CHUK: variants seen among roughly 807,000 people sequenced by gnomAD.
CHUK encodes component of inhibitor of nuclear factor kappa B kinase complex.
A neutral mutation model predicts 104.8 loss-of-function variants in CHUK; 35 were observed. That is an observed-to-expected ratio of 0.33 (90% CI 0.26 to 0.44). The LOEUF is 0.44. Among genes scored for constraint, CHUK ranks in the 20% least tolerant of loss-of-function variants. CHUK has a pLI of 1.00. For synonymous variants in CHUK, 276 were observed against 291.9 expected (o/e 0.95, Z 0.56); for missense variants, 663 against 902.7 (o/e 0.73, Z 3.40).
chr10:100,228,257 A>C (rs993990217), intron 1 of CHUK, among the ~76,000 whole-genome samples: 13 of 152,254 alleles, frequency 8.5e-5, no homozygotes, highest in African/African-American at 3.1e-4. Flanking sequence ...AATGTCCTTT[A>C]GGAAGGCACG....
At chr10:100,193,201 G>C in intron 19 of CHUK, 97 bp downstream of exon 19, 1 of 1,342,738 alleles carries the variant, frequency 7.4e-7, no homozygotes, top group Non-Finnish European at 1.1e-6. Context: ...ACTCAACCCT[G>C]GTCTGAAGGC....
chr10:100,207,324 A>T lies in CHUK; in HGVS notation c.1137T>A (p.Cys379Ter). The T allele has an allele frequency of 6.9e-7, 1 of 1,454,944 alleles. No homozygotes were observed. Among genetic ancestry groups the T allele is most frequent in the Non-Finnish European group, 9.6e-7 (1 of 1,036,632 alleles). The allele number at this position is 1,454,944 out of a possible 1,614,324, so 90.1% of individuals were successfully genotyped here. A position where few individuals can be genotyped will look rare whatever the true frequency, so the allele number is the denominator to read the frequency against. The change falls in exon 11 of 21, where the codon TGT (cysteine) becomes TGA (stop). Residue 379 changes from cysteine (C) to a stop codon, truncating the protein, a stop_gained. Coordinates refer to ENST00000370397, the MANE Select transcript of CHUK (RefSeq NM_001278.5). LOFTEE classifies it high-confidence loss of function. The part of the protein sequence containing the change: ...SQCVLDGVRG[C>*]DSYMVYLFDK... The stretch of plus-strand genomic sequence containing the variant: ...CAAACAAATAAACCATATAGCTATC[A>T]CAGCCTCTCTGAAAAAGAAACAAAC...
chr10:100,201,624 G>A (rs899841934), intron 14 of CHUK, among the ~76,000 whole-genome samples: 3 of 152,194 alleles, frequency 2.0e-5, no homozygotes, highest in African/African-American at 7.2e-5. Flanking sequence ...GGAGGCTGAG[G>A]TGGGAGGATT....
chr10:100,198,176 C>T (rs183754583), intron 16 of CHUK, among the ~76,000 whole-genome samples: 52 of 152,154 alleles, frequency 3.4e-4, no homozygotes, highest in African/African-American at 1.3e-3. Context: ...CATAGTTTGC[C>T]TGACAGTTGC....
intron 16 of CHUK, among the ~76,000 whole-genome samples, chr10:100,196,651 T>A (rs940724720): frequency 3.3e-5 from 5 of 152,202 alleles, no homozygotes; most frequent in Non-Finnish European, 1.5e-5. Context: ...TCCTCCTGTC[T>A]CAGCCTCCCA....
chr10:100,187,539 C>T (rs1178607863), downstream of CHUK: 3 of 152,180 alleles, frequency 2.0e-5, no homozygotes, highest in African/African-American at 7.2e-5. Flanking sequence ...TTTCTGTAGA[C>T]ATTCTCTGAA....
chr10:100,200,106 TAATG>T, intron 15 of CHUK, 86 bp from the exon 16 acceptor site: 3 of 1,017,566 alleles, frequency 2.9e-6, no homozygotes, highest in Non-Finnish European at 4.7e-6. Flanking sequence ...TTTATTTGAA[TAATG>T]AACCCATTTT....
rs1296002837 is a variant in CHUK at position 100,209,712 on chromosome 10, T to C, written c.1011A>G (p.Leu337=). ...CAGTTTCACGCTCAATACGAGACTG[T>C]AGTGAATGAAGACTTTCATCAGGTG... is the stretch of plus-strand genomic sequence containing the variant. ...LLPPDESLHS[L]QSRIERETGI... is the part of the protein sequence containing the mutation. The change falls in exon 10 of 21, where the codon CTA becomes CTG. Residue 337 remains leucine, a synonymous_variant. Coordinates refer to ENST00000370397, the MANE Select transcript of CHUK (RefSeq NM_001278.5). 5 of 1,572,858 alleles carry C rather than the reference T, an allele frequency of 3.2e-6. No homozygotes were observed. The highest frequency in any genetic ancestry group is 2.2e-5 in the East Asian group (1 of 44,668).
At position 100,193,353 on chromosome 10, in the gene CHUK, G is replaced by A. The variant is rs753054670; in HGVS notation, c.2053C>T (p.Pro685Ser). 2 of 1,613,972 alleles carry A rather than the reference G, an allele frequency of 1.2e-6. No individual in the cohort carries two copies. Among genetic ancestry groups the A allele is most frequent in the East Asian group, 4.5e-5 (2 of 44,894 alleles). The change falls in exon 19 of 21, where the codon CCG (proline) becomes TCG (serine). Residue 685 changes from proline to serine, a missense_variant. Physicochemically the swap from Pro to Ser is moderately conservative, Grantham distance 74. Around this residue, in one of 5 missense-constraint regions of CHUK, gnomAD observed 311 missense variants for 393.4 expected, o/e 0.79. Transcript: ENST00000370397. ...GAATGATCATGTTCTGCTGAAGTCG[G>A]GGGCAGCCATGCTGATGTCTGAGGG... ...VTPQTSAWLP[P>S]TSAEHDHSLS...
chr10:100,210,084 TTTA>T (rs1388657808), intron 9 of CHUK, among the ~76,000 whole-genome samples: 3,616 of 134,320 alleles, frequency 0.027, 55 homozygotes, highest in Middle Eastern at 0.052. Flanking sequence ...TATTTATTTA[TTTA>T]TTTATTTTTT....
Position 100,189,449 on chromosome 10 carries a change from C to G in CHUK, c.*149G>C. The G allele has an allele frequency of 4.3e-6, 3 of 695,586 alleles. No homozygotes were observed. The South Asian group carries it at 4.9e-5, about 11-fold the overall frequency. The allele number at this position is 695,586 out of a possible 1,614,324, so 43.1% of individuals were successfully genotyped here. On this transcript the variant is annotated 3_prime_UTR_variant, in exon 21 of 21. Transcript: ENST00000370397. ...ACTGTTATACTTGTAAAATCATGTT[C>G]TTCTGATCATAGTAGAAATGTAGTT...
At chr10:100,215,393 C>T (rs1383630061) in intron 9 of CHUK, among the ~76,000 whole-genome samples, 1 of 151,792 alleles carries the variant, frequency 6.6e-6, no homozygotes, top group Non-Finnish European at 1.5e-5. Context: ...TAGGAGTTAG[C>T]CATATGTAGT....
chr10:100,210,465 C>T (rs1845705139), intron 9 of CHUK, among the ~76,000 whole-genome samples: 1 of 152,210 alleles, frequency 6.6e-6, no homozygotes, highest in African/African-American at 2.4e-5. Context: ...TAACAGAAGA[C>T]AACCACAGGC....
intron 9 of CHUK, among the ~76,000 whole-genome samples, chr10:100,217,247 C>T (rs901547621): frequency 1.5e-5 from 2 of 135,694 alleles, no homozygotes; most frequent in African/African-American, 6.0e-5. Flanking sequence ...TTACACTTGA[C>T]TTGTTAAAAA....
At chr10:100,227,465 T>G (rs1316279946) in intron 1 of CHUK, among the ~76,000 whole-genome samples, 1 of 151,790 alleles carries the variant, frequency 6.6e-6, no homozygotes, top group Non-Finnish European at 1.5e-5. Context: ...GCTGCCAGCA[T>G]GCATCCTTTT....
At chr10:100,193,670 G>GAAAAAAA in intron 18 of CHUK, 1 of 535,044 alleles carries the variant, frequency 1.9e-6, no homozygotes, top group Non-Finnish European at 3.3e-6. Flanking sequence ...GTTGAAGAAA[G>GAAAAAAA]AAAAAAAAAA....
rs1367901862 is a variant in CHUK at position 100,219,138 on chromosome 10, A to G, written c.565-6T>C. 6 of 1,613,518 alleles carry G rather than the reference A, an allele frequency of 3.7e-6. No homozygotes were observed. The highest frequency in any genetic ancestry group is 4.2e-6 in the Non-Finnish European group (5 of 1,179,576). On this transcript the variant is annotated splice_region_variant and splice_polypyrimidine_tract_variant and intron_variant, in intron 6 of 20. Transcript: ENST00000370397. ...TTCTCAAAGAGCTCTGGGGCCTTCA[A>G]AAGAGAAAATGCTTTAAACACCAAC...
Position 100,222,076 on chromosome 10 carries a change from A to G in CHUK, c.385+36T>C, listed in dbSNP as rs1263096221. ...AAGATCTTTTATGGGCCAAAGGGAC[A>G]TTACATTACAATGGTATTTTAATAC... is the stretch of plus-strand genomic sequence containing the variant. On this transcript the variant is annotated intron_variant, in intron 4 of 20. Transcript: ENST00000370397. 3.8e-6 allele frequency: 4 copies of G among 1,063,284 alleles called. No individual in the cohort carries two copies. In the Admixed American group the frequency reaches 5.1e-5, roughly 14 times the overall value. The allele number at this position is 1,063,284 out of a possible 1,614,324, so 65.9% of individuals were successfully genotyped here.
chr10:100,212,489 T>C (rs997872219), intron 9 of CHUK, among the ~76,000 whole-genome samples: 2 of 152,226 alleles, frequency 1.3e-5, no homozygotes, highest in Admixed American at 1.3e-4. Flanking sequence ...AATTGGGTTA[T>C]TTACATTTTT....
Sources: allele counts gnomAD v4.1 joint callset (sites outside exome capture counted in the v4.1 genomes callset), GRCh38; gene constraint gnomAD v4.1.1; regional missense constraint gnomAD v4.1.1; transcripts MANE v1.5; gene names NCBI Gene and HGNC (gene_info 2026-07-23, HGNC 2026-07-21).